AGMO: variants seen among roughly 807,000 people sequenced by gnomAD.
AGMO encodes glyceryl-ether monooxygenase.
AGMO carries 75 observed loss-of-function variants against 60.2 expected under a neutral mutation model. The ratio of observed to expected loss-of-function variants is 1.25; its 90% CI spans 1.03 to 1.51. AGMO has a LOEUF of 1.51. Among genes scored for constraint, AGMO ranks in the 40% most tolerant of loss-of-function variants. The probability of loss-of-function intolerance (pLI) is 0.00; values close to 1 mark genes in which losing one functional copy is unlikely to be tolerated. For synonymous variants in AGMO, 261 were observed against 177.1 expected, an observed-to-expected ratio of 1.47 and a Z score of -3.76; for missense variants, 763 against 525.5, an observed-to-expected ratio of 1.45 and a Z score of -4.42.
intron 3 of AGMO, among the ~76,000 whole-genome samples, chr7:15,513,008 GT>G (rs1246251779): frequency 6.6e-6 from 1 of 151,996 alleles, no homozygotes. Context: ...ACTTAAAATT[GT>G]TTTTGTAATC....
At chr7:15,369,221 T>C (rs572989728) in intron 10 of AGMO, among the ~76,000 whole-genome samples, 5 of 152,014 alleles carry the variant, frequency 3.3e-5, no homozygotes, top group Non-Finnish European at 2.9e-5. Context: ...CTCCCCTAAC[T>C]GGTCTTCCTA....
At chr7:15,265,476 A>C (rs1783404878) in intron 12 of AGMO, among the ~76,000 whole-genome samples, 1 of 152,076 alleles carries the variant, frequency 6.6e-6, no homozygotes, top group Non-Finnish European at 1.5e-5. Flanking sequence ...AATAGACCAA[A>C]GACTGATTAC....
chr7:15,323,592 C>T (rs1781248908), intron 12 of AGMO, among the ~76,000 whole-genome samples: 1 of 152,072 alleles, frequency 6.6e-6, no homozygotes, highest in African/African-American at 2.4e-5. Flanking sequence ...TAAAACACTC[C>T]CAATTTCTTA....
At chr7:15,302,194 A>G (rs1412969083) in intron 12 of AGMO, among the ~76,000 whole-genome samples, 2 of 152,202 alleles carry the variant, frequency 1.3e-5, no homozygotes, top group Non-Finnish European at 2.9e-5. Flanking sequence ...ATAAAATTTG[A>G]TAATTTCTCT....
downstream of AGMO, among the ~76,000 whole-genome samples, chr7:15,199,443 T>G (rs12699692): frequency 1.3e-5 from 2 of 152,176 alleles, no homozygotes; most frequent in Non-Finnish European, 2.9e-5. Flanking sequence ...AGGCTAATCC[T>G]ATAAATTCAC....
chr7:15,375,301 A>G (rs551861531), intron 10 of AGMO, among the ~76,000 whole-genome samples: 91 of 151,902 alleles, frequency 6.0e-4, no homozygotes, highest in Non-Finnish European at 1.1e-3. Flanking sequence ...CAAACTAAAT[A>G]CCTTTTCATT....
intron 3 of AGMO, among the ~76,000 whole-genome samples, chr7:15,463,217 T>C: frequency 6.6e-6 from 1 of 152,170 alleles, no homozygotes; most frequent in East Asian, 1.9e-4. Context: ...AAACAGAGGC[T>C]TTTCTGTTGT....
At chr7:15,437,300 AATTC>A (rs1361067651) in intron 3 of AGMO, among the ~76,000 whole-genome samples, 4 of 152,192 alleles carry the variant, frequency 2.6e-5, no homozygotes, top group Admixed American at 2.6e-4. Context: ...TGGCATTACC[AATTC>A]ATTCAGTAAG....
intron 12 of AGMO, among the ~76,000 whole-genome samples, chr7:15,277,488 A>T (rs947826177): frequency 5.9e-5 from 9 of 152,088 alleles, no homozygotes; most frequent in African/African-American, 2.2e-4. Context: ...TGATCTGGAG[A>T]AGCTGACACT....
intron 12 of AGMO, among the ~76,000 whole-genome samples, chr7:15,343,350 T>C (rs1169534628): frequency 6.6e-6 from 1 of 152,148 alleles, no homozygotes; most frequent in Admixed American, 6.5e-5. Context: ...ATAGACAACA[T>C]TGTGTCAAAT....
chr7:15,332,536 A>G (rs935776363), intron 12 of AGMO, among the ~76,000 whole-genome samples: 1 of 152,136 alleles, frequency 6.6e-6, no homozygotes, highest in African/African-American at 2.4e-5. Flanking sequence ...CACTTGCCCA[A>G]CATGGCTACA....
At chr7:15,146,239 A>G in the AGMO span, among the ~76,000 whole-genome samples, 4 of 152,184 alleles carry the variant, frequency 2.6e-5, no homozygotes, top group Non-Finnish European at 4.4e-5. Context: ...TTGGAAATCA[A>G]TTCTGAAAGG....
chr7:15,470,856 T>G (rs1307773277), intron 3 of AGMO, among the ~76,000 whole-genome samples: 4 of 152,000 alleles, frequency 2.6e-5, no homozygotes, highest in African/African-American at 9.7e-5. Flanking sequence ...GGAGAGCAAA[T>G]AGCTAACACA....
the AGMO span, among the ~76,000 whole-genome samples, chr7:15,190,598 T>C: frequency 6.6e-6 from 1 of 152,166 alleles, no homozygotes; most frequent in South Asian, 2.1e-4. Flanking sequence ...TTCCATTTTT[T>C]GCATTAGAAT....
chr7:15,354,396 A>ACACG (rs1782398966), intron 12 of AGMO, among the ~76,000 whole-genome samples: 2 of 33,182 alleles, frequency 6.0e-5, no homozygotes, highest in African/African-American at 2.8e-4. Context: ...GTGTGTATAC[A>ACACG]CGTGTGTGTA....
At chr7:15,177,633 T>C in the AGMO span, among the ~76,000 whole-genome samples, 1 of 152,166 alleles carries the variant, frequency 6.6e-6, no homozygotes, top group Non-Finnish European at 1.5e-5. Flanking sequence ...CTCTGTTTTT[T>C]AGCCATTTGC....
intron 2 of AGMO, among the ~76,000 whole-genome samples, chr7:15,557,706 C>A (rs994653152): frequency 2.0e-5 from 3 of 151,886 alleles, no homozygotes; most frequent in African/African-American, 7.3e-5. Flanking sequence ...ATCTTTCAGA[C>A]AAGGCTGTAA....
intron 12 of AGMO, chr7:15,358,580 T>TC (rs146391994): frequency 0.2 from 67,043 of 341,568 alleles, 7,322 homozygotes; most frequent in Admixed American, 0.23. Context: ...CCAAACTCAG[T>TC]CCCTCCCCAA....
intron 9 of AGMO, among the ~76,000 whole-genome samples, chr7:15,387,072 G>A (rs1056108854): frequency 1.2e-4 from 19 of 152,116 alleles, no homozygotes; most frequent in African/African-American, 3.9e-4. Context: ...CGTCTCTAGT[G>A]TTCTAGGACT....
Sources: gnomAD v4.1 joint callset for allele counts (sites outside exome capture counted in the v4.1 genomes callset) on GRCh38, gnomAD v4.1.1 for gene constraint, MANE v1.5 for transcripts, NCBI Gene and HGNC (gene_info 2026-07-23, HGNC 2026-07-21) for gene names.